PCSK2: variants seen among roughly 807,000 people sequenced by gnomAD.
The protein encoded by PCSK2 is neuroendocrine convertase 2.
In PCSK2, 14 loss-of-function variants were observed where a neutral mutation model predicts 69.7. That is an observed-to-expected ratio of 0.20 (90% confidence interval 0.13 to 0.31). PCSK2 has a LOEUF of 0.31. Among genes scored for constraint, PCSK2 ranks in the 10% least tolerant of loss-of-function variants. PCSK2 has a pLI of 1.00. For missense variants in PCSK2, 544 were observed against 842.5 expected (o/e 0.65, Z 4.39); for synonymous variants, 307 against 320.7 (o/e 0.96, Z 0.46).
Position 17,453,732 on chromosome 20 carries a change from C to T in PCSK2, c.886-10C>T, listed in dbSNP as rs767023380. 23 of 1,612,064 alleles carry T rather than the reference C, an allele frequency of 1.4e-5. 1 individual carries two copies. In the Middle Eastern group the frequency reaches 3.3e-3, roughly 232 times the overall value. On this transcript the variant is annotated splice_polypyrimidine_tract_variant and intron_variant, in intron 8 of 11. Transcript: ENST00000262545. This position sits in a 1 kb window ranked among gnomAD's most constrained non-coding sequence, Gnocchi z 4.0. ...GTGGGTAGCGGCAGCGTCTCCCCTG[C>T]TCTCCCCAGGGCCGCGGCGGCAAAG...
chr20:17,436,635 C>T (rs747404012), intron 7 of PCSK2, 73 bp from the exon 8 acceptor site: 11 of 1,343,054 alleles, frequency 8.2e-6, no homozygotes, highest in Non-Finnish European at 1.1e-5. Context: ...AGGGCCCAAG[C>T]CCTCCTCCAC....
At chr20:17,353,534 G>A (rs148558968) in intron 2 of PCSK2, among the ~76,000 whole-genome samples, 120 of 151,340 alleles carry the variant, frequency 7.9e-4, no homozygotes, top group Non-Finnish European at 1.3e-3. Context: ...ACACTTATAC[G>A]CTGTTGATGA....
intron 5 of PCSK2, among the ~76,000 whole-genome samples, chr20:17,375,900 C>G (rs1186585422): frequency 1.3e-5 from 2 of 152,224 alleles, no homozygotes; most frequent in South Asian, 2.1e-4. Context: ...TGTAGAATCT[C>G]CCTTTAAAGA....
chr20:17,469,705 C>A (rs531543589), intron 11 of PCSK2, among the ~76,000 whole-genome samples: 4 of 152,144 alleles, frequency 2.6e-5, no homozygotes, highest in Admixed American at 6.5e-5. Flanking sequence ...TGAGAGCAGC[C>A]CTACTGTGAG....
intron 2 of PCSK2, among the ~76,000 whole-genome samples, chr20:17,348,073 AAGAAAGAAAGAAAG>A (rs1442338419): frequency 2.7e-5 from 4 of 150,332 alleles, no homozygotes; most frequent in Non-Finnish European, 4.4e-5. Context: ...GAAAGAAAGA[AAGAAAGAAAGAAAG>A]AAAGAAAGAA....
intron 5 of PCSK2, among the ~76,000 whole-genome samples, chr20:17,408,596 G>A (rs1483049441): frequency 1.3e-5 from 2 of 152,170 alleles, no homozygotes; most frequent in African/African-American, 2.4e-5. Context: ...TTGATCTTTC[G>A]ATTGATGTCT....
chr20:17,459,796 G>A (rs6136103), intron 10 of PCSK2, among the ~76,000 whole-genome samples: 5,092 of 152,234 alleles, frequency 0.033, 278 homozygotes, highest in East Asian at 0.2. Context: ...CCTGTTCCCC[G>A]GGAATACTTA....
At chr20:17,358,230 C>A in intron 2 of PCSK2, 97 bp from the exon 3 acceptor site, 1 of 736,928 alleles carries the variant, frequency 1.4e-6, no homozygotes, top group Non-Finnish European at 2.4e-6. Flanking sequence ...AAAAAATACA[C>A]CTGATATACA....
At chr20:17,422,126 C>A (rs2032144690) in intron 6 of PCSK2, among the ~76,000 whole-genome samples, 1 of 152,062 alleles carries the variant, frequency 6.6e-6, no homozygotes, top group Non-Finnish European at 1.5e-5. Context: ...AAAAATACAG[C>A]CTGTGGAATA....
At chr20:17,380,981 A>G (rs1310715766) in intron 5 of PCSK2, among the ~76,000 whole-genome samples, 1 of 152,124 alleles carries the variant, frequency 6.6e-6, no homozygotes, top group Non-Finnish European at 1.5e-5. Flanking sequence ...CATCCTTAAT[A>G]AATCACTTGC....
At chr20:17,338,674 A>T in intron 2 of PCSK2, among the ~76,000 whole-genome samples, 1 of 152,188 alleles carries the variant, frequency 6.6e-6, no homozygotes, top group East Asian at 1.9e-4. Flanking sequence ...TGCATCTGGC[A>T]CTTCCGGGAA....
intron 2 of PCSK2, among the ~76,000 whole-genome samples, chr20:17,327,132 A>G (rs1293321226): frequency 6.6e-6 from 1 of 152,234 alleles, no homozygotes; most frequent in African/African-American, 2.4e-5. Flanking sequence ...CACAGCTACA[A>G]GATCATTTAT....
At chr20:17,230,654 T>C (rs1248443531) in intron 1 of PCSK2, among the ~76,000 whole-genome samples, 2 of 152,194 alleles carry the variant, frequency 1.3e-5, no homozygotes, top group Non-Finnish European at 2.9e-5. Flanking sequence ...CATTAGCTAA[T>C]GGGTACGTGT....
chr20:17,417,789 G>T (rs375338669), intron 6 of PCSK2, among the ~76,000 whole-genome samples: 1 of 152,116 alleles, frequency 6.6e-6, no homozygotes, highest in South Asian at 2.1e-4. Flanking sequence ...ATTACTTATG[G>T]CTTGTGGCAG....
intron 6 of PCSK2, among the ~76,000 whole-genome samples, chr20:17,411,484 G>A (rs1022395521): frequency 3.9e-4 from 59 of 151,644 alleles, no homozygotes; most frequent in Non-Finnish European, 6.3e-4. Flanking sequence ...GGGAGGCTGA[G>A]ACTTGAGTAG....
At chr20:17,308,172 A>G (rs1225067716) in intron 2 of PCSK2, among the ~76,000 whole-genome samples, 1 of 152,210 alleles carries the variant, frequency 6.6e-6, no homozygotes, top group Admixed American at 6.5e-5. Context: ...GAACTCATTC[A>G]CTGTCATGAT....
intron 5 of PCSK2, among the ~76,000 whole-genome samples, chr20:17,382,911 C>T (rs976106609): frequency 7.2e-5 from 11 of 152,194 alleles, no homozygotes; most frequent in Admixed American, 3.3e-4. Flanking sequence ...CACACTAGCT[C>T]TTCCCACAGT....
chr20:17,248,901 G>A (rs952791197), intron 1 of PCSK2, among the ~76,000 whole-genome samples: 3 of 152,090 alleles, frequency 2.0e-5, no homozygotes, highest in Non-Finnish European at 4.4e-5. Flanking sequence ...AAGCAGTGTG[G>A]ATTTACACTC....
chr20:17,355,127 A>G (rs2030148759), intron 2 of PCSK2, among the ~76,000 whole-genome samples: 1 of 152,224 alleles, frequency 6.6e-6, no homozygotes, highest in African/African-American at 2.4e-5. Flanking sequence ...AATTTATGGA[A>G]TTAAAAATTA....
Sources: allele counts gnomAD v4.1 joint callset (sites outside exome capture counted in the v4.1 genomes callset), GRCh38; gene constraint gnomAD v4.1.1; non-coding constraint Gnocchi (gnomAD v3.1); transcripts MANE v1.5; gene names NCBI Gene and HGNC (gene_info 2026-07-23, HGNC 2026-07-21).